Variants in NEDD1 observed in about 807,000 individuals in gnomAD.
The protein encoded by NEDD1 is NEDD1 gamma-tubulin ring complex targeting factor.
In NEDD1, 33 loss-of-function variants were observed where a neutral mutation model predicts 74.0. The ratio of observed to expected loss-of-function variants is 0.45; its 90% CI spans 0.34 to 0.60. NEDD1 has a LOEUF of 0.60. Ranked by LOEUF, NEDD1 falls within the 20% of genes least tolerant of loss-of-function variation. The pLI, the probability that NEDD1 is intolerant of heterozygous loss-of-function variation, is 0.01. For missense variants in NEDD1, 746 were observed against 776.5 expected, an observed-to-expected ratio of 0.96 and a Z score of 0.47; for synonymous variants, 250 against 264.4, an observed-to-expected ratio of 0.95 and a Z score of 0.53.
chr12:96,935,745 A>G (rs1156983454), intron 7 of NEDD1, among the ~76,000 whole-genome samples: 1 of 152,130 alleles, frequency 6.6e-6, no homozygotes, highest in Non-Finnish European at 1.5e-5. Context: ...CTGATTATGT[A>G]CTGGTGTACA....
chr12:96,929,191 T>C (rs528018932), intron 6 of NEDD1, among the ~76,000 whole-genome samples: 1 of 152,002 alleles, frequency 6.6e-6, no homozygotes, highest in East Asian at 1.9e-4. Flanking sequence ...AAAATTTCTT[T>C]TTAACCTGTC....
At chr12:96,951,345 C>A in intron 14 of NEDD1, 87 bp from the exon 15 acceptor site, 1 of 673,200 alleles carries the variant, frequency 1.5e-6, no homozygotes, top group South Asian at 2.2e-5. Context: ...AGTAATTTGG[C>A]AAATGAAAAA....
At chr12:96,949,903 T>C (rs968210933) in intron 14 of NEDD1, among the ~76,000 whole-genome samples, 13 of 152,092 alleles carry the variant, frequency 8.5e-5, no homozygotes, top group African/African-American at 3.1e-4. Flanking sequence ...GTTGACTTTA[T>C]AAAAGTTTAT....
In NEDD1 at chr12:96,937,393, G is replaced by C; in HGVS notation, c.1117G>C (p.Gly373Arg). 6.5e-7 allele frequency: 1 copy of C among 1,550,048 alleles called. No homozygotes were observed. Among genetic ancestry groups the C allele is most frequent in the Non-Finnish European group, 8.7e-7 (1 of 1,144,644 alleles). The change falls in exon 9 of 16, where the codon GGT (glycine) becomes CGT (arginine). Residue 373 changes from glycine to arginine, a missense_variant and splice_region_variant. Gly to Arg is a moderately radical substitution (Grantham distance 125, BLOSUM62 -2). Coordinates refer to ENST00000266742, the MANE Select transcript of NEDD1 (RefSeq NM_152905.4). ...KGTVAVQEKA[G>R]LPRSINTDTL... ...AACAGTTGCTGTTCAAGAAAAAGCA[G>C]GTAAATGTTGCTTATATATTGTTGG...
chr12:96,931,925 A>G (rs1198667193), intron 6 of NEDD1, among the ~76,000 whole-genome samples: 2 of 152,178 alleles, frequency 1.3e-5, no homozygotes, highest in South Asian at 2.1e-4. Flanking sequence ...TTTCTATTAA[A>G]TAATTATCTT....
chr12:96,929,993 C>T (rs759171005), intron 6 of NEDD1, among the ~76,000 whole-genome samples: 3 of 152,066 alleles, frequency 2.0e-5, no homozygotes, highest in Admixed American at 2.0e-4. Context: ...CCTTCTACTT[C>T]CTTCTGCACA....
intron 2 of NEDD1, 47 bp from the exon 3 acceptor site, chr12:96,909,705 T>C (rs781227073): frequency 6.7e-7 from 1 of 1,495,458 alleles, no homozygotes. Flanking sequence ...TTTGAGTATG[T>C]CTATTCTTAA....
In NEDD1 at chr12:96,943,631, G is replaced by C. The variant is rs1391284270; in HGVS notation, c.1366G>C (p.Val456Leu). Residue 456 changes from valine (V) to leucine (L), a missense_variant, in exon 12 of 16, where the codon GTA (valine) becomes CTA (leucine). By Grantham distance (32) the Val-to-Leu change is conservative. This residue lies in a region of NEDD1 where 706 missense variants were observed against 706.7 expected (regional missense o/e 1.00). Coordinates refer to ENST00000266742, the MANE Select transcript of NEDD1 (RefSeq NM_152905.4). Reference protein sequence around the residue: ...RKNPVTSSTSVLHSSPLNVFM... With the variant: ...RKNPVTSSTSLLHSSPLNVFM... Reference sequence around the variant, plus strand: ...AAATCCAGTAACTTCAAGTACTTCAGTATTGCATTCTAGTCCTCTTAATGT... The same window carrying C: ...AAATCCAGTAACTTCAAGTACTTCACTATTGCATTCTAGTCCTCTTAATGT... The C allele has an allele frequency of 6.2e-7, 1 of 1,612,138 alleles. No individual in the cohort carries two copies. The highest frequency in any genetic ancestry group is 8.5e-7 in the Non-Finnish European group (1 of 1,178,378).
chr12:96,936,582 C>T lies in NEDD1; in HGVS notation c.720-29C>T, dbSNP rs756800932. ...AATATACCTGTACACACTAACATTT[C>T]TACACATACTTTGTTCTCCTTTCCA... On this transcript the variant is annotated intron_variant, in intron 7 of 15. Coordinates refer to ENST00000266742, the MANE Select transcript of NEDD1 (RefSeq NM_152905.4). 4.6e-6 allele frequency: 7 copies of T among 1,507,794 alleles called. No homozygotes were observed. In the Admixed American group the frequency reaches 6.7e-5, roughly 14 times the overall value. 93.4% of individuals were successfully genotyped at this position (1,507,794 alleles called of 1,614,324 possible).
In NEDD1 at chr12:96,940,510, G is replaced by A; in HGVS notation, c.1219G>A (p.Gly407Ser). Residue 407 changes from glycine (G) to serine (S), a missense_variant, in exon 10 of 16, where the codon GGT becomes AGT. Around this residue, in one of 3 missense-constraint regions of NEDD1, gnomAD observed 706 missense variants for 706.7 expected, o/e 1.00. Transcript: ENST00000266742. ...SFDDTGKSSL[G>S]DMFSPIRDDA... Reference sequence around the variant, plus strand: ...TGATGATACTGGGAAAAGTAGTTTAGGTGACATGTTCTCACCTATCAGAGA... The same window carrying A: ...TGATGATACTGGGAAAAGTAGTTTAAGTGACATGTTCTCACCTATCAGAGA... The A allele has an allele frequency of 6.2e-7, 1 of 1,606,608 alleles. No individual in the cohort carries two copies. The highest frequency in any genetic ancestry group is 8.5e-7 in the Non-Finnish European group (1 of 1,174,184).
intron 6 of NEDD1, among the ~76,000 whole-genome samples, chr12:96,926,064 G>A (rs1215608635): frequency 1.3e-5 from 2 of 152,022 alleles, no homozygotes; most frequent in Non-Finnish European, 2.9e-5. Context: ...GAGATGGTGA[G>A]TGTGTTTATC....
chr12:96,948,129 G>T (rs1592935370), intron 14 of NEDD1, among the ~76,000 whole-genome samples: 1 of 152,156 alleles, frequency 6.6e-6, no homozygotes, highest in Admixed American at 6.5e-5. Context: ...CTCCATGAGA[G>T]CCTGGAGTGC....
At chr12:96,916,705 G>T (rs181597702) in intron 4 of NEDD1, among the ~76,000 whole-genome samples, 1 of 151,344 alleles carries the variant, frequency 6.6e-6, no homozygotes, top group African/African-American at 2.4e-5. Flanking sequence ...GAGTAATGCC[G>T]CAATAAACAT....
intron 3 of NEDD1, among the ~76,000 whole-genome samples, chr12:96,910,851 TAAC>T (rs1255087460): frequency 6.6e-6 from 1 of 152,258 alleles, no homozygotes; most frequent in African/African-American, 2.4e-5. Flanking sequence ...AATTAAGATT[TAAC>T]ATTTATCTGA....
At chr12:96,950,418 C>T (rs1004943375) in intron 14 of NEDD1, among the ~76,000 whole-genome samples, 3 of 151,864 alleles carry the variant, frequency 2.0e-5, no homozygotes, top group Non-Finnish European at 4.4e-5. Context: ...GACATTGGCA[C>T]ATGTGGGTTT....
chr12:96,932,488 A>ATATATATATATATATATATATATATATAT (rs869107212), intron 6 of NEDD1, among the ~76,000 whole-genome samples: 1 of 83,010 alleles, frequency 1.2e-5, no homozygotes, highest in Non-Finnish European at 2.4e-5. Flanking sequence ...ATATATATAT[A>ATATATATATATATATATATATATATATAT]AAATGCACAC....
chr12:96,945,685 T>C lies in NEDD1; in HGVS notation c.1655-8T>C, dbSNP rs201937631. On this transcript the variant is annotated splice_region_variant and splice_polypyrimidine_tract_variant and intron_variant, in intron 13 of 15. Transcript: ENST00000266742. ...GACTATTAATATTTTCTTCATTCTT[T>C]ATTTTAGATCCAAAGATAGCATCTT... 143 of 1,556,234 alleles carry C rather than the reference T, an allele frequency of 9.2e-5. No individual in the cohort carries two copies. In the African/African-American group the frequency reaches 1.8e-3, roughly 19 times the overall value.
chr12:96,938,289 ATAAT>A (rs956799463), intron 9 of NEDD1, among the ~76,000 whole-genome samples: 3 of 152,094 alleles, frequency 2.0e-5, no homozygotes, highest in Admixed American at 1.3e-4. Context: ...TATTAGGAAA[ATAAT>A]TAAGTTCTTA....
chr12:96,944,219 G>A (rs1013395892), intron 12 of NEDD1, among the ~76,000 whole-genome samples: 3 of 151,818 alleles, frequency 2.0e-5, no homozygotes, highest in African/African-American at 7.3e-5. Flanking sequence ...AAGCCAGTTG[G>A]GTATACAATA....
Sources: gnomAD v4.1 joint callset for allele counts (sites outside exome capture counted in the v4.1 genomes callset) on GRCh38, gnomAD v4.1.1 for gene constraint, gnomAD v4.1.1 regional missense constraint, MANE v1.5 for transcripts, NCBI Gene and HGNC (gene_info 2026-07-23, HGNC 2026-07-21) for gene names.